Variants in CSNK1A1 observed in about 807,000 individuals in gnomAD.
CSNK1A1 encodes the protein casein kinase 1 alpha 1, also known as casein kinase I isoform alpha.
CSNK1A1 carries 7 observed loss-of-function variants against 46.1 expected under a neutral mutation model. The observed-to-expected ratio is 0.15, with a 90% confidence interval of 0.09 to 0.29. The LOEUF (loss-of-function observed/expected upper bound fraction) is 0.29, where lower values mean the gene tolerates loss of function less well. Ranked by LOEUF, CSNK1A1 falls within the 10% of genes least tolerant of loss-of-function variation. CSNK1A1 has a pLI of 1.00. For synonymous variants in CSNK1A1, 137 were observed against 141.5 expected (o/e 0.97, Z 0.23); for missense variants, 96 against 417.1 (o/e 0.23, Z 6.71).
At chr5:149,528,593 G>A (rs570029881) in intron 2 of CSNK1A1, among the ~76,000 whole-genome samples, 7 of 152,152 alleles carry the variant, frequency 4.6e-5, no homozygotes, top group South Asian at 2.1e-4. Context: ...TGCTTCCCAC[G>A]TCTATTCTGA....
chr5:149,542,986 C>T (rs112827739), intron 2 of CSNK1A1, among the ~76,000 whole-genome samples: 5,589 of 151,740 alleles, frequency 0.037, 165 homozygotes, highest in Non-Finnish European at 0.056. Flanking sequence ...TGAACCACTG[C>T]GCCTGGCCAC....
At chr5:149,504,773 CAAAG>C in intron 9 of CSNK1A1, 3 of 985,264 alleles carry the variant, frequency 3.0e-6, no homozygotes, top group Non-Finnish European at 3.6e-6. Context: ...AAGCCAAAAA[CAAAG>C]AAATCGTTTT....
chr5:149,513,334 T>C (rs1341884726), intron 4 of CSNK1A1, 125 bp from the exon 5 acceptor site: 24 of 904,044 alleles, frequency 2.7e-5, no homozygotes, highest in South Asian at 2.4e-4. Context: ...TAAGTATTAA[T>C]AGAACAGATA....
intron 9 of CSNK1A1, chr5:149,501,435 T>C (rs561720788): frequency 2.6e-4 from 253 of 985,456 alleles, no homozygotes; most frequent in Non-Finnish European, 2.9e-4. Context: ...CTAGCAGCAA[T>C]TGGTGAACTC....
intron 2 of CSNK1A1, among the ~76,000 whole-genome samples, chr5:149,548,238 A>C (rs1219130024): frequency 6.6e-6 from 1 of 152,170 alleles, no homozygotes; most frequent in Admixed American, 6.5e-5. Flanking sequence ...CCAGTCCTTA[A>C]TTCAAGACAT....
At chr5:149,546,748 G>C (rs75473567) in intron 2 of CSNK1A1, among the ~76,000 whole-genome samples, 2,641 of 152,152 alleles carry the variant, frequency 0.017, 41 homozygotes, top group East Asian at 0.09. Context: ...TTAAATTAGT[G>C]ACAATACTTC....
At chr5:149,540,329 A>G (rs1762189119) in intron 2 of CSNK1A1, among the ~76,000 whole-genome samples, 1 of 152,300 alleles carries the variant, frequency 6.6e-6, no homozygotes, top group Non-Finnish European at 1.5e-5. Context: ...CTCTTCAGCT[A>G]AACCGTTTTG....
chr5:149,523,802 T>C (rs530093759), intron 3 of CSNK1A1, among the ~76,000 whole-genome samples: 4 of 152,354 alleles, frequency 2.6e-5, no homozygotes, highest in East Asian at 3.9e-4. Context: ...CAAACATTTA[T>C]ATTTTGTGTT....
chr5:149,524,060 T>A (rs1357300250), intron 3 of CSNK1A1, among the ~76,000 whole-genome samples: 1 of 152,192 alleles, frequency 6.6e-6, no homozygotes, highest in Non-Finnish European at 1.5e-5. Flanking sequence ...CAGTGATGCT[T>A]TGGGTAATAC....
chr5:149,509,405 CT>C (rs1175132853), intron 7 of CSNK1A1, among the ~76,000 whole-genome samples: 2 of 152,136 alleles, frequency 1.3e-5, no homozygotes, highest in Non-Finnish European at 2.9e-5. Flanking sequence ...GAGACAGAGT[CT>C]TACTCTGTTA....
At chr5:149,510,613 G>C (rs1379934505) in intron 6 of CSNK1A1, among the ~76,000 whole-genome samples, 2 of 151,942 alleles carry the variant, frequency 1.3e-5, no homozygotes, top group African/African-American at 2.4e-5. Context: ...TGAGTAATTG[G>C]GGCTACAGGC....
At position 149,517,694 on chromosome 5, in the gene CSNK1A1, C is replaced by T; in HGVS notation, c.456+2596G>A. On this transcript the variant is annotated intron_variant, in intron 4 of 9. Transcript: ENST00000377843. The surrounding 1 kb of genome is among the most constrained non-coding windows in gnomAD (Gnocchi z 4.4). ...GAGGTGCTTGAGCAAGATCTACATT[C>T]TCCAGAATTAAAACAAAACAAAAAT... The T allele has an allele frequency of 1.3e-6, 1 of 764,952 alleles. No individual in the cohort carries two copies. The highest frequency in any genetic ancestry group is 1.8e-5 in the South Asian group (1 of 56,452). The allele number at this position is 764,952 out of a possible 1,614,324, so 47.4% of individuals were successfully genotyped here.
intron 2 of CSNK1A1, among the ~76,000 whole-genome samples, chr5:149,531,955 TTCACTACAGTCTCTGCC>T (rs1477332178): frequency 2.0e-5 from 3 of 152,066 alleles, no homozygotes; most frequent in Non-Finnish European, 4.4e-5. Flanking sequence ...GTGATCTTGG[TTCACTACAGTCTCTGCC>T]TCCCAGGTTC....
intron 9 of CSNK1A1, chr5:149,497,108 T>C (rs559250477): frequency 3.2e-6 from 4 of 1,248,880 alleles, no homozygotes; most frequent in South Asian, 2.7e-5. Flanking sequence ...CCTCTCAGCA[T>C]ACTAAAATAA....
chr5:149,531,003 T>C (rs1429569631), intron 2 of CSNK1A1, among the ~76,000 whole-genome samples: 1 of 124,218 alleles, frequency 8.1e-6, no homozygotes, highest in Non-Finnish European at 1.8e-5. Context: ...AAAAAAAAAG[T>C]TTCAGCTACT....
rs758826315 is a variant in CSNK1A1, at chr5:149,550,217, C to G, written c.124-36G>C. The G allele has an allele frequency of 1.9e-6, 3 of 1,606,142 alleles. No individual in the cohort carries two copies. The highest frequency in any genetic ancestry group is 2.6e-6 in the Non-Finnish European group (3 of 1,176,104). On this transcript the variant is annotated intron_variant, in intron 1 of 9. Coordinates refer to ENST00000377843, the MANE Select transcript of CSNK1A1 (RefSeq NM_001892.6). This position sits in a 1 kb window ranked among gnomAD's most constrained non-coding sequence, Gnocchi z 4.3. ...AAGAGGGGATGATGGCATCAACATC[C>G]CTACGGATTCAATGTCACTTAGGAA...
At chr5:149,529,662 C>CT (rs1338582701) in intron 2 of CSNK1A1, 1 of 455,480 alleles carries the variant, frequency 2.2e-6, no homozygotes, top group Admixed American at 2.4e-5. Context: ...GTCAAGGTGG[C>CT]AGATAGATTG....
chr5:149,510,611 T>G (rs1176935280), intron 6 of CSNK1A1, among the ~76,000 whole-genome samples: 1 of 151,998 alleles, frequency 6.6e-6, no homozygotes, highest in African/African-American at 2.4e-5. Flanking sequence ...CCTGAGTAAT[T>G]GGGGCTACAG....
intron 2 of CSNK1A1, among the ~76,000 whole-genome samples, chr5:149,528,084 C>T (rs1418876538): frequency 2.0e-5 from 3 of 152,128 alleles, no homozygotes; most frequent in Non-Finnish European, 4.4e-5. Flanking sequence ...AACAAAATCA[C>T]CTGCATGTAA....
Sources: allele counts gnomAD v4.1 joint callset (sites outside exome capture counted in the v4.1 genomes callset), GRCh38; gene constraint gnomAD v4.1.1; non-coding constraint Gnocchi (gnomAD v3.1); transcripts MANE v1.5; gene names NCBI Gene and HGNC (gene_info 2026-07-23, HGNC 2026-07-21).